The following CREBBP variants were observed in gnomAD, a reference collection of about 807,000 sequenced individuals.
CREBBP encodes CREB-binding protein.
Under a neutral mutation model 265.0 loss-of-function variants are expected in CREBBP, and 19 were observed. The observed-to-expected ratio is 0.07, with a 90% CI of 0.05 to 0.11. CREBBP has a LOEUF of 0.11. CREBBP is among the 10% of genes least tolerant of loss of function. The pLI is 1.00. For synonymous variants in CREBBP, 1,457 were observed against 1,223.7 expected (o/e 1.19, Z -3.98); for missense variants, 2,525 against 3,219.0 (o/e 0.78, Z 5.22).
intron 16 of CREBBP, among the ~76,000 whole-genome samples, chr16:3,767,086 A>G (rs2151403963): frequency 6.6e-6 from 1 of 152,134 alleles, no homozygotes; most frequent in South Asian, 2.1e-4. Flanking sequence ...ATTTTCTGAT[A>G]CCCTGTTATC....
intron 2 of CREBBP, among the ~76,000 whole-genome samples, chr16:3,848,800 T>C (rs2054722299): frequency 6.6e-6 from 1 of 152,168 alleles, no homozygotes; most frequent in Non-Finnish European, 1.5e-5. Flanking sequence ...AGAAATTCCT[T>C]CTCAATTGAC....
chr16:3,738,911 T>G (rs548821873), intron 25 of CREBBP, among the ~76,000 whole-genome samples: 1 of 152,164 alleles, frequency 6.6e-6, no homozygotes. Context: ...CATGCCCAGA[T>G]AATTTATTTT....
At chr16:3,780,443 T>C (rs1288020151) in intron 8 of CREBBP, among the ~76,000 whole-genome samples, 1 of 152,086 alleles carries the variant, frequency 6.6e-6, no homozygotes, top group Non-Finnish European at 1.5e-5. Context: ...AGAAGCACAT[T>C]AAGGCCGGGC....
Position 3,781,274 on chromosome 16 carries a change from T to C in CREBBP, c.1606A>G (p.Ile536Val). The change falls in exon 7 of 31, where the codon ATA becomes GTA. Residue 536 changes from isoleucine (I) to valine (V), a missense_variant. By Grantham distance (29) the Ile-to-Val change is conservative. Coordinates refer to ENST00000262367, the MANE Select transcript of CREBBP (RefSeq NM_004380.3). ...TTTGGGGGCTGCTGATCTGTTGTTA[T>C]TCCTCCTGCTGGAATGTTCATTGGA... Reference protein sequence around the residue: ...NNPMNIPAGGITTDQQPPNLI... With the variant: ...NNPMNIPAGGVTTDQQPPNLI... 6 of 1,614,022 alleles carry C rather than the reference T, an allele frequency of 3.7e-6. No individual in the cohort carries two copies. Among genetic ancestry groups the C allele is most frequent in the Non-Finnish European group, 5.1e-6 (6 of 1,179,896 alleles).
chr16:3,767,649 A>C, intron 16 of CREBBP, 71 bp downstream of exon 16: 1 of 1,590,682 alleles, frequency 6.3e-7, no homozygotes, highest in South Asian at 1.1e-5. Context: ...TTAGCTTTTA[A>C]TCCTCCACAT....
intron 1 of CREBBP, among the ~76,000 whole-genome samples, chr16:3,865,226 G>A (rs141578225): frequency 1.0e-3 from 154 of 152,302 alleles, no homozygotes; most frequent in African/African-American, 3.5e-3. Context: ...CTATTTCTAT[G>A]AATCTGTTCC....
chr16:3,789,176 C>T (rs1407508562), intron 5 of CREBBP, among the ~76,000 whole-genome samples: 1 of 152,176 alleles, frequency 6.6e-6, no homozygotes, highest in African/African-American at 2.4e-5. Context: ...GCCTAAAAAG[C>T]AGAGTCCCGG....
At position 3,729,280 on chromosome 16, in the gene CREBBP, T is replaced by C; in HGVS notation, c.5767A>G (p.Ser1923Gly). The stretch of plus-strand genomic sequence containing the variant: ...GTGGGGGGCTGAGTCCGGGCCACGC[T>C]GGGGAAGCCAGCTGGTGACATGCTC... ...PVSMSPAGFP[S>G]VARTQPPTTV... Residue 1923 changes from serine to glycine, a missense_variant, in exon 31 of 31, where the codon AGC becomes GGC. Coordinates refer to ENST00000262367, the MANE Select transcript of CREBBP (RefSeq NM_004380.3). 6.5e-7 allele frequency: 1 copy of C among 1,530,322 alleles called. No homozygotes were observed. The highest frequency in any genetic ancestry group is 1.2e-5 in the South Asian group (1 of 84,330). The allele number at this position is 1,530,322 out of a possible 1,614,324, so 94.8% of individuals were successfully genotyped here. A position where few individuals can be genotyped will look rare whatever the true frequency, so the allele number is the denominator to read the frequency against.
chr16:3,875,697 G>C (rs1188425362), intron 1 of CREBBP, among the ~76,000 whole-genome samples: 1 of 152,140 alleles, frequency 6.6e-6, no homozygotes, highest in African/African-American at 2.4e-5. Context: ...TAGAGCTACG[G>C]ACTTTAACAA....
intron 8 of CREBBP, 108 bp downstream of exon 8, chr16:3,780,624 A>T (rs1006538946): frequency 5.7e-6 from 7 of 1,223,604 alleles, no homozygotes; most frequent in Non-Finnish European, 8.2e-6. Flanking sequence ...GTGGCTCCCT[A>T]AATAAGCACG....
chr16:3,827,377 T>C (rs775927202), intron 2 of CREBBP, among the ~76,000 whole-genome samples: 1 of 152,130 alleles, frequency 6.6e-6, no homozygotes, highest in Non-Finnish European at 1.5e-5. Context: ...AAAAGTGATC[T>C]TGCTTACTTT....
At chr16:3,804,359 TAAAC>T (rs1445624513) in intron 3 of CREBBP, among the ~76,000 whole-genome samples, 3 of 152,144 alleles carry the variant, frequency 2.0e-5, no homozygotes, top group Middle Eastern at 3.2e-3. Context: ...AAAAGGAACA[TAAAC>T]AAAAATTTAC....
intron 2 of CREBBP, among the ~76,000 whole-genome samples, chr16:3,817,699 G>T (rs1259105810): frequency 6.6e-6 from 1 of 152,198 alleles, no homozygotes; most frequent in Non-Finnish European, 1.5e-5. Flanking sequence ...TTCTACAATA[G>T]TAGCAAGCCA....
chr16:3,756,608 A>G (rs1378836656), intron 19 of CREBBP, among the ~76,000 whole-genome samples: 1 of 152,244 alleles, frequency 6.6e-6, no homozygotes, highest in Non-Finnish European at 1.5e-5. Context: ...CTTGAACTCA[A>G]TTAAAACACC....
rs1452104250 is a variant in CREBBP at position 3,745,347 on chromosome 16, C to T, written c.3844G>A (p.Asp1282Asn). ...NDTLDPEPFV[D>N]CKECGRKMHQ... ...ATCTTCCGGCCACACTCCTTGCAAT[C>T]AACGAAACTAGGAGGCAAAGAAGGC... Residue 1282 changes from aspartate (D) to asparagine (N), a missense_variant, in exon 22 of 31, where the codon GAT becomes AAT. By Grantham distance (23) the Asp-to-Asn change is conservative. This residue lies in a region of CREBBP where 252 missense variants were observed against 452.5 expected (regional missense o/e 0.56). Transcript: ENST00000262367. The T allele has an allele frequency of 2.5e-6, 4 of 1,614,074 alleles. No individual in the cohort carries two copies. The highest frequency in any genetic ancestry group is 3.4e-6 in the Non-Finnish European group (4 of 1,179,972).
chr16:3,770,676 T>A lies in CREBBP; in HGVS notation c.2774A>T (p.Gln925Leu). ...TGGGGTTTGAGGCTGCGGGGTCACC[T>A]GGGCCTGGGCTGCTGCCTGGACTGT... ...TPTVQAAAQA[Q>L]VTPQPQTPVQ... The change falls in exon 14 of 31, where the codon CAG (glutamine) becomes CTG (leucine). Residue 925 changes from glutamine (Q) to leucine (L), a missense_variant. Physicochemically the swap from Gln to Leu is moderately radical, Grantham distance 113. Around this residue, in one of 19 missense-constraint regions of CREBBP, gnomAD observed 548 missense variants for 533.0 expected, o/e 1.03. Coordinates refer to ENST00000262367, the MANE Select transcript of CREBBP (RefSeq NM_004380.3). 6.2e-7 allele frequency: 1 copy of A among 1,614,004 alleles called. No homozygotes were observed. The highest frequency in any genetic ancestry group is 8.5e-7 in the Non-Finnish European group (1 of 1,179,986).
At chr16:3,787,752 C>T (rs747563765) in intron 5 of CREBBP, among the ~76,000 whole-genome samples, 32 of 152,068 alleles carry the variant, frequency 2.1e-4, no homozygotes, top group Non-Finnish European at 3.7e-4. Flanking sequence ...CTCTGCCTCC[C>T]GGGTTCATCA....
intron 2 of CREBBP, among the ~76,000 whole-genome samples, chr16:3,829,099 G>C (rs748578637): frequency 4.6e-5 from 7 of 151,552 alleles, no homozygotes; most frequent in Non-Finnish European, 7.4e-5. Context: ...AAAACCCTTA[G>C]ATATTTTAAC....
intron 5 of CREBBP, among the ~76,000 whole-genome samples, chr16:3,789,703 C>T (rs978429826): frequency 6.6e-6 from 1 of 151,266 alleles, no homozygotes; most frequent in Non-Finnish European, 1.5e-5. Flanking sequence ...GTCAATCATA[C>T]TTTTGTAAAA....
Sources: allele counts gnomAD v4.1 joint callset (sites outside exome capture counted in the v4.1 genomes callset), GRCh38; gene constraint gnomAD v4.1.1; regional missense constraint gnomAD v4.1.1; transcripts MANE v1.5; gene names NCBI Gene and HGNC (gene_info 2026-07-23, HGNC 2026-07-21).